KCNH1: variants seen among roughly 807,000 people sequenced by gnomAD.
The protein encoded by KCNH1 is potassium voltage-gated channel subfamily H member 1.
A neutral mutation model predicts 69.2 loss-of-function variants in KCNH1; 27 were observed. The observed-to-expected ratio is 0.39, with a 90% confidence interval of 0.29 to 0.54. KCNH1 has a LOEUF of 0.54. Ranked by LOEUF, KCNH1 falls within the 20% of genes least tolerant of loss-of-function variation. The pLI, the probability that KCNH1 is intolerant of heterozygous loss-of-function variation, is 0.68. For synonymous variants in KCNH1, 456 were observed against 487.7 expected (o/e 0.93, Z 0.86); for missense variants, 798 against 1,261.6 (o/e 0.63, Z 5.57).
intron 6 of KCNH1, among the ~76,000 whole-genome samples, chr1:210,968,831 T>G (rs867571572): frequency 5.3e-5 from 8 of 152,282 alleles, no homozygotes; most frequent in Middle Eastern, 3.4e-3. Flanking sequence ...CTGTTCACTC[T>G]GATGGTAGTT....
At chr1:211,129,226 A>G (rs1477659809) in intron 1 of KCNH1, among the ~76,000 whole-genome samples, 1 of 152,226 alleles carries the variant, frequency 6.6e-6, no homozygotes, top group Non-Finnish European at 1.5e-5. Flanking sequence ...ACTCTAGTAG[A>G]TTTTAAAATG....
At chr1:210,989,409 T>C (rs1262540498) in intron 6 of KCNH1, among the ~76,000 whole-genome samples, 1 of 152,242 alleles carries the variant, frequency 6.6e-6, no homozygotes, top group Non-Finnish European at 1.5e-5. Context: ...AGCTGGGATA[T>C]ACGCAAACCA....
chr1:210,933,740 G>A (rs759813507), intron 6 of KCNH1, among the ~76,000 whole-genome samples: 2 of 152,064 alleles, frequency 1.3e-5, no homozygotes, highest in Non-Finnish European at 2.9e-5. Flanking sequence ...AGGATCATTA[G>A]AGACTATTAT....
intron 9 of KCNH1, among the ~76,000 whole-genome samples, chr1:210,795,962 A>ACACACACACAC (rs1558472980): frequency 7.4e-5 from 10 of 135,982 alleles, no homozygotes; most frequent in African/African-American, 1.1e-4. Context: ...CTCTACTAAA[A>ACACACACACAC]ACACACACAC....
chr1:210,803,954 T>C lies in KCNH1; in HGVS notation c.1662+13A>G, dbSNP rs1459373634. On this transcript the variant is annotated intron_variant, in intron 8 of 10. Coordinates refer to ENST00000271751, the MANE Select transcript of KCNH1 (RefSeq NM_172362.3). The stretch of plus-strand genomic sequence containing the variant: ...AAGACAAATGGTTTCCCTGAGCTCC[T>C]CATCCTCCTTACCTTCTCTGTGTCA... 5 of 1,611,528 alleles carry C rather than the reference T, an allele frequency of 3.1e-6. No individual in the cohort carries two copies. The highest frequency in any genetic ancestry group is 3.4e-6 in the Non-Finnish European group (4 of 1,178,200).
chr1:210,735,417 AGTGAGTGTGTGTGTGTGTGTGTGT>A (rs1682853503), intron 10 of KCNH1, among the ~76,000 whole-genome samples: 1 of 115,968 alleles, frequency 8.6e-6, no homozygotes, highest in Non-Finnish European at 1.7e-5. Context: ...TGAATGAGTG[AGTGAGTGTGTGTGTGTGTGTGTGT>A]GTGTGTGTGT....
At chr1:210,713,404 G>A (rs1682126953) in intron 10 of KCNH1, among the ~76,000 whole-genome samples, 1 of 152,168 alleles carries the variant, frequency 6.6e-6, no homozygotes, top group East Asian at 1.9e-4. Context: ...ATGCAGTTCT[G>A]CTCTGACTTT....
intron 5 of KCNH1, among the ~76,000 whole-genome samples, chr1:211,029,515 T>C (rs1689744749): frequency 6.6e-6 from 1 of 150,548 alleles, no homozygotes; most frequent in Non-Finnish European, 1.5e-5. Context: ...TTCATAAAAC[T>C]CTCAGAGAAA....
chr1:210,716,450 C>CAAAAAAAAAAA (rs1682253005), intron 10 of KCNH1, among the ~76,000 whole-genome samples: 1 of 108,892 alleles, frequency 9.2e-6, no homozygotes, highest in Non-Finnish European at 1.8e-5. Context: ...AAAAAAAAAG[C>CAAAAAAAAAAA]ATGTTACACA....
chr1:211,046,434 T>C (rs1475592067), intron 5 of KCNH1, among the ~76,000 whole-genome samples: 1 of 151,988 alleles, frequency 6.6e-6, no homozygotes, highest in African/African-American at 2.4e-5. Flanking sequence ...GGAGCGAGGG[T>C]GTTATGGCAT....
intron 6 of KCNH1, among the ~76,000 whole-genome samples, chr1:211,001,778 T>C (rs1689184528): frequency 6.6e-6 from 1 of 152,142 alleles, no homozygotes; most frequent in Non-Finnish European, 1.5e-5. Flanking sequence ...TGTCCATCAA[T>C]GATAGACTGG....
At chr1:210,985,805 G>C (rs528587783) in intron 6 of KCNH1, among the ~76,000 whole-genome samples, 37 of 152,242 alleles carry the variant, frequency 2.4e-4, no homozygotes, top group African/African-American at 8.9e-4. Context: ...AGGTATGCTT[G>C]GTCCAGAGCT....
chr1:211,040,814 T>A (rs1291108904), intron 5 of KCNH1, among the ~76,000 whole-genome samples: 1 of 152,170 alleles, frequency 6.6e-6, no homozygotes, highest in Non-Finnish European at 1.5e-5. Context: ...GACTCCTGCA[T>A]CCTCCAATGG....
intron 7 of KCNH1, among the ~76,000 whole-genome samples, chr1:210,804,644 A>G (rs115016788): frequency 0.016 from 2,499 of 152,290 alleles, 70 homozygotes; most frequent in African/African-American, 0.056. Context: ...GCACTGTGCT[A>G]CCTGCCAAGG....
chr1:210,735,820 C>CAGAG (rs886917658), intron 10 of KCNH1, among the ~76,000 whole-genome samples: 3 of 68,268 alleles, frequency 4.4e-5, no homozygotes, highest in Admixed American at 1.3e-4. Flanking sequence ...CACACACACA[C>CAGAG]AGAGAGAGAG....
chr1:210,720,431 A>G (rs573542376), intron 10 of KCNH1, among the ~76,000 whole-genome samples: 4 of 152,342 alleles, frequency 2.6e-5, no homozygotes, highest in Non-Finnish European at 4.4e-5. Context: ...GCAATGATAT[A>G]AGAGTAAGAA....
At chr1:210,936,233 T>C (rs143043865) in intron 6 of KCNH1, among the ~76,000 whole-genome samples, 1 of 152,320 alleles carries the variant, frequency 6.6e-6, no homozygotes. Context: ...TCACTACTCT[T>C]TCCCTGCATC....
intron 10 of KCNH1, among the ~76,000 whole-genome samples, chr1:210,764,554 C>T (rs891706224): frequency 2.0e-5 from 3 of 151,944 alleles, no homozygotes; most frequent in East Asian, 1.9e-4. Context: ...AGTGGGCAAA[C>T]GACATGAACA....
At chr1:210,779,109 G>A (rs59441822) in intron 9 of KCNH1, among the ~76,000 whole-genome samples, 6,045 of 152,184 alleles carry the variant, frequency 0.04, 233 homozygotes, top group East Asian at 0.14. Flanking sequence ...CCAATCACAG[G>A]TTTTGACAGA....
Sources: gnomAD v4.1 joint callset for allele counts (sites outside exome capture counted in the v4.1 genomes callset) on GRCh38, gnomAD v4.1.1 for gene constraint, MANE v1.5 for transcripts, NCBI Gene and HGNC (gene_info 2026-07-23, HGNC 2026-07-21) for gene names.